WBP4: variants seen among roughly 807,000 people sequenced by gnomAD.
The protein encoded by WBP4 is WW domain binding protein 4, also known as WW domain-binding protein 4.
WBP4 carries 37 observed loss-of-function variants against 55.4 expected under a neutral mutation model. The ratio of observed to expected loss-of-function variants is 0.67; its 90% CI spans 0.51 to 0.88. WBP4 has a LOEUF of 0.88. WBP4 is among the 40% of genes least tolerant of loss of function. The pLI, the probability that WBP4 is intolerant of heterozygous loss-of-function variation, is 0.00. For synonymous variants in WBP4, 142 were observed against 140.2 expected (o/e 1.01, Z -0.09); for missense variants, 398 against 420.8 (o/e 0.95, Z 0.47).
intron 8 of WBP4, among the ~76,000 whole-genome samples, chr13:41,076,716 A>G (rs964282609): frequency 3.9e-5 from 6 of 152,208 alleles, no homozygotes; most frequent in Non-Finnish European, 1.5e-5. Flanking sequence ...GAGACACATT[A>G]TTAGCATTGA....
At chr13:41,076,016 T>A (rs189920794) in intron 7 of WBP4, 28 bp from the exon 8 acceptor site, 975 of 1,597,100 alleles carry the variant, frequency 6.1e-4, no homozygotes, top group Non-Finnish European at 7.7e-4. Flanking sequence ...AATAACTAAA[T>A]AACATGACTT....
intron 8 of WBP4, among the ~76,000 whole-genome samples, chr13:41,078,582 C>T (rs1028233579): frequency 6.6e-6 from 1 of 152,206 alleles, no homozygotes; most frequent in Non-Finnish European, 1.5e-5. Flanking sequence ...AATCCCTGCA[C>T]TTTGGGAGGC....
intron 1 of WBP4, chr13:41,061,967 C>A (rs1342093120): frequency 5.5e-6 from 5 of 904,322 alleles, no homozygotes; most frequent in African/African-American, 1.8e-5. Context: ...GCTCTCTCTA[C>A]GACGCTGTCG....
intron 5 of WBP4, 118 bp downstream of exon 5, chr13:41,068,855 T>A (rs1878102428): frequency 8.7e-7 from 1 of 1,149,974 alleles, no homozygotes; most frequent in Non-Finnish European, 1.1e-6. Context: ...AAAGACCGGT[T>A]TTTCATTTTT....
At chr13:41,073,444 C>G (rs1199457380) in intron 7 of WBP4, among the ~76,000 whole-genome samples, 2 of 150,564 alleles carry the variant, frequency 1.3e-5, no homozygotes, top group African/African-American at 2.4e-5. Flanking sequence ...ACCTGGGAGG[C>G]GGAGGTTGCA....
chr13:41,074,816 GA>G (rs1416069276), intron 7 of WBP4, among the ~76,000 whole-genome samples: 2 of 152,162 alleles, frequency 1.3e-5, no homozygotes, highest in Non-Finnish European at 2.9e-5. Flanking sequence ...GCAACGTGGT[GA>G]AATCCTGTCT....
chr13:41,071,623 C>G, intron 6 of WBP4, 50 bp downstream of exon 6: 3 of 1,513,700 alleles, frequency 2.0e-6, no homozygotes, highest in East Asian at 2.3e-5. Context: ...TACAGTGATT[C>G]GTTTCTTAGG....
Position 41,080,694 on chromosome 13 carries a change from G to GA in WBP4, c.811dup (p.Ser271LysfsTer12), listed in dbSNP as rs1354613512. On this transcript the variant is annotated frameshift_variant, in exon 9 of 10. Transcript: ENST00000379487. LOFTEE classifies it high-confidence loss of function. Reference sequence around the variant, plus strand: ...AGGAAGTGACCCAGAAACACAGAAAGAAAAAAGTATTCAGAAACAGAATTC... The same window carrying GA: ...AGGAAGTGACCCAGAAACACAGAAAGAAAAAAAGTATTCAGAAACAGAATTC... 6.2e-7 allele frequency: 1 copy of GA among 1,600,252 alleles called. No individual in the cohort carries two copies. Among genetic ancestry groups the GA allele is most frequent in the Admixed American group, 1.8e-5 (1 of 55,518 alleles).
intron 7 of WBP4, among the ~76,000 whole-genome samples, chr13:41,074,464 G>A (rs1026834718): frequency 3.9e-5 from 6 of 152,106 alleles, no homozygotes; most frequent in Non-Finnish European, 5.9e-5. Flanking sequence ...CAGTACAATT[G>A]AAGGTTGGGA....
In WBP4 at chr13:41,065,283, G is replaced by A. The variant is rs752010430; in HGVS notation, c.258G>A (p.Glu86=). The A allele has an allele frequency of 7.4e-7, 1 of 1,360,112 alleles. No individual in the cohort carries two copies. Among genetic ancestry groups the A allele is most frequent in the Admixed American group, 2.6e-5 (1 of 39,000 alleles). 84.3% of individuals were successfully genotyped at this position (1,360,112 alleles called of 1,614,324 possible). A position where few individuals can be genotyped will look rare whatever the true frequency, so the allele number is the denominator to read the frequency against. ...AGGATTTGAAAAGACTTGGCTTAGA[G>A]TCAGGTAAAAAAAAAAAAAAAAAAA... is the stretch of plus-strand genomic sequence containing the variant. The part of the protein sequence containing the change: ...YQEDLKRLGL[E]SEILEPSITP... Residue 86 remains glutamate (E), a synonymous_variant, in exon 4 of 10, where the codon GAG becomes GAA. Transcript: ENST00000379487.
In WBP4 at chr13:41,064,865, A is replaced by G. The variant is rs915387636; in HGVS notation, c.76-151A>G. ...TAGTTCCCTAGCATCATTTGATTAAAAGGGCCAATTTGCATTAAATTAATG... is the reference window on the plus strand; with the variant it reads ...TAGTTCCCTAGCATCATTTGATTAAGAGGGCCAATTTGCATTAAATTAATG... On this transcript the variant is annotated intron_variant, in intron 2 of 9. Transcript: ENST00000379487. 15 of 707,948 alleles carry G rather than the reference A, an allele frequency of 2.1e-5. 1 individual carries two copies. Among genetic ancestry groups the G allele is most frequent in the Non-Finnish European group, 3.3e-5 (15 of 452,012 alleles). 43.9% of individuals were successfully genotyped at this position (707,948 alleles called of 1,614,324 possible).
chr13:41,062,064 A>G (rs917864824), intron 1 of WBP4: 7 of 957,056 alleles, frequency 7.3e-6, no homozygotes, highest in South Asian at 9.9e-5. Flanking sequence ...TCCCCCGCCC[A>G]CTGGAAGCGG....
At position 41,062,109 on chromosome 13, in the gene WBP4, T is replaced by G. The variant is rs533196539; in HGVS notation, c.2+434T>G. ...GATAGCGTAATGGTTTTTTTTTTTT[T>G]TTTTTTTTTTTTTTTGTCGGCCGTC... On this transcript the variant is annotated intron_variant, in intron 1 of 9. Coordinates refer to ENST00000379487, the MANE Select transcript of WBP4 (RefSeq NM_007187.5). The G allele has an allele frequency of 5.3e-5, 51 of 966,336 alleles. No individual in the cohort carries two copies. The East Asian group carries it at 1.3e-3, about 25-fold the overall frequency. 59.9% of individuals were successfully genotyped at this position (966,336 alleles called of 1,614,324 possible). A position where few individuals can be genotyped will look rare whatever the true frequency, so the allele number is the denominator to read the frequency against.
chr13:41,076,279 T>C lies in WBP4; in HGVS notation c.756+42T>C. The C allele has an allele frequency of 5.2e-6, 7 of 1,358,176 alleles. No homozygotes were observed. In the African/African-American group the frequency reaches 9.7e-5, roughly 19 times the overall value. The allele number at this position is 1,358,176 out of a possible 1,614,324, so 84.1% of individuals were successfully genotyped here. A position where few individuals can be genotyped will look rare whatever the true frequency, so the allele number is the denominator to read the frequency against. ...TACTCTTCACATCAAATTTTTTTTTTTTTTTTTTTTTTTTTTTTGAGATGG... is the reference window on the plus strand; with the variant it reads ...TACTCTTCACATCAAATTTTTTTTTCTTTTTTTTTTTTTTTTTTGAGATGG... On this transcript the variant is annotated intron_variant, in intron 8 of 9. Coordinates refer to ENST00000379487, the MANE Select transcript of WBP4 (RefSeq NM_007187.5).
chr13:41,068,457 G>A (rs1037511500), intron 4 of WBP4, 104 bp from the exon 5 acceptor site: 2 of 1,108,478 alleles, frequency 1.8e-6, no homozygotes, highest in Non-Finnish European at 2.4e-6. Context: ...GTTCTCAAAA[G>A]AACCTTATCA....
In WBP4 at chr13:41,065,011, T is replaced by G. The variant is rs1370626673; in HGVS notation, c.76-5T>G. 6.4e-7 allele frequency: 1 copy of G among 1,566,096 alleles called. No individual in the cohort carries two copies. Among genetic ancestry groups the G allele is most frequent in the South Asian group, 1.2e-5 (1 of 81,410 alleles). On this transcript the variant is annotated splice_polypyrimidine_tract_variant and splice_region_variant and intron_variant, in intron 2 of 9. Transcript: ENST00000379487. ...CTTTTGTTATTTTCTCTTTTCATTT[T>G]CAAGAGTGTTGAATTTCATGAAAGA...
Position 41,071,507 on chromosome 13 carries a change from G to T in WBP4, c.440-20G>T. ...TTTAAAGCAAAAAGATTTTATAAAT[G>T]CAATATATTTTGCTTTAAGCATCTC... On this transcript the variant is annotated intron_variant, in intron 5 of 9. Transcript: ENST00000379487. 6.3e-7 allele frequency: 1 copy of T among 1,584,348 alleles called. No homozygotes were observed.
intron 1 of WBP4, 57 bp from the exon 2 acceptor site, chr13:41,062,587 G>C (rs1000213153): frequency 6.6e-7 from 1 of 1,518,468 alleles, no homozygotes; most frequent in Non-Finnish European, 9.1e-7. Context: ...AAAGCATGCA[G>C]AATTTAACCT....
In WBP4 at chr13:41,061,687, C is replaced by T; in HGVS notation, c.2+12C>T. 1.2e-6 allele frequency: 2 copies of T among 1,614,034 alleles called. No individual in the cohort carries two copies. The highest frequency in any genetic ancestry group is 1.7e-6 in the Non-Finnish European group (2 of 1,180,024). On this transcript the variant is annotated intron_variant, in intron 1 of 9. Transcript: ENST00000379487. ...GCTGGCGCAGTCATGTGAGTTGGGT[C>T]TCAGGCCCTGAACAACGAGGTGTTG...
Sources: allele counts gnomAD v4.1 joint callset (sites outside exome capture counted in the v4.1 genomes callset), GRCh38; gene constraint gnomAD v4.1.1; transcripts MANE v1.5; gene names NCBI Gene and HGNC (gene_info 2026-07-23, HGNC 2026-07-21).